The following GRM8 variants were observed in gnomAD, a reference collection of about 807,000 sequenced individuals.
GRM8 encodes glutamate metabotropic receptor 8, also known as metabotropic glutamate receptor 8.
GRM8 carries 47 observed loss-of-function variants against 87.2 expected under a neutral mutation model. The observed-to-expected ratio is 0.54, with a 90% confidence interval of 0.43 to 0.69. The LOEUF (loss-of-function observed/expected upper bound fraction) is 0.69. Among genes scored for constraint, GRM8 ranks in the 30% least tolerant of loss-of-function variants. The pLI is 0.00. For missense variants in GRM8, 1,019 were observed against 1,139.2 expected (o/e 0.89, Z 1.52); for synonymous variants, 396 against 404.5 (o/e 0.98, Z 0.25).
intron 7 of GRM8, among the ~76,000 whole-genome samples, chr7:126,710,884 C>T (rs557487866): frequency 2.4e-4 from 36 of 152,134 alleles, no homozygotes; most frequent in Non-Finnish European, 4.6e-4. Context: ...TTATAAAATA[C>T]ATTTCTTGGC....
chr7:126,470,008 T>A (rs1411966610), intron 9 of GRM8, among the ~76,000 whole-genome samples: 2 of 152,120 alleles, frequency 1.3e-5, no homozygotes, highest in Non-Finnish European at 2.9e-5. Flanking sequence ...ATATCAACAA[T>A]GAATCCAGGC....
chr7:127,066,480 C>T (rs1821124208), intron 3 of GRM8, among the ~76,000 whole-genome samples: 1 of 152,086 alleles, frequency 6.6e-6, no homozygotes, highest in Non-Finnish European at 1.5e-5. Flanking sequence ...TCATTTGATA[C>T]TCAAATCAAA....
intron 3 of GRM8, among the ~76,000 whole-genome samples, chr7:127,032,304 G>A (rs1308958906): frequency 6.6e-6 from 1 of 152,092 alleles, no homozygotes; most frequent in Non-Finnish European, 1.5e-5. Flanking sequence ...AGCGTTTCCT[G>A]TAACTGTGCA....
At chr7:126,714,795 G>A (rs1158237574) in intron 7 of GRM8, among the ~76,000 whole-genome samples, 3 of 151,624 alleles carry the variant, frequency 2.0e-5, no homozygotes, top group African/African-American at 7.3e-5. Flanking sequence ...ATATACAATC[G>A]ATTAACACAT....
chr7:126,989,829 G>A (rs1421100184), intron 3 of GRM8, among the ~76,000 whole-genome samples: 1 of 152,060 alleles, frequency 6.6e-6, no homozygotes, highest in Non-Finnish European at 1.5e-5. Flanking sequence ...AGGCATGGTG[G>A]TGCGTGCCTG....
At chr7:127,182,632 GGTGTGTGT>G (rs35530710) in intron 2 of GRM8, among the ~76,000 whole-genome samples, 2,067 of 141,790 alleles carry the variant, frequency 0.015, 30 homozygotes, top group African/African-American at 0.032. Flanking sequence ...AAGAAAGTGT[GGTGTGTGT>G]GTGTGTGTGT....
At chr7:127,110,690 C>G (rs1425123847) in intron 2 of GRM8, among the ~76,000 whole-genome samples, 1 of 152,128 alleles carries the variant, frequency 6.6e-6, no homozygotes, top group African/African-American at 2.4e-5. Context: ...TCTTCTCTCA[C>G]TATATTCTCA....
chr7:126,966,778 C>A (rs1223317006), intron 3 of GRM8, among the ~76,000 whole-genome samples: 3 of 152,020 alleles, frequency 2.0e-5, no homozygotes, highest in Non-Finnish European at 2.9e-5. Context: ...TCAACTCGCT[C>A]CTAGATGTTC....
intron 3 of GRM8, among the ~76,000 whole-genome samples, chr7:126,996,473 AAC>A (rs1813185173): frequency 1.3e-5 from 2 of 152,066 alleles, no homozygotes; most frequent in African/African-American, 4.8e-5. Flanking sequence ...AATGTAAATG[AAC>A]TAAACTCTGT....
chr7:127,042,286 A>T (rs1243486346), intron 3 of GRM8, among the ~76,000 whole-genome samples: 1 of 152,202 alleles, frequency 6.6e-6, no homozygotes. Context: ...ACAGGTTGGC[A>T]TTTGAACTGG....
intron 3 of GRM8, among the ~76,000 whole-genome samples, chr7:126,966,852 G>T (rs1041545824): frequency 1.3e-5 from 2 of 152,168 alleles, no homozygotes; most frequent in Non-Finnish European, 1.5e-5. Flanking sequence ...GACCTGAATT[G>T]TGATTCTGGT....
chr7:126,861,574 A>AT (rs973836415), intron 6 of GRM8, among the ~76,000 whole-genome samples: 15 of 149,250 alleles, frequency 1.0e-4, no homozygotes, highest in Non-Finnish European at 9.0e-5. Flanking sequence ...AGATATTTTC[A>AT]TTTTTTTTTC....
intron 8 of GRM8, among the ~76,000 whole-genome samples, chr7:126,608,336 G>T (rs1198287264): frequency 3.3e-5 from 5 of 152,102 alleles, no homozygotes; most frequent in Non-Finnish European, 7.3e-5. Context: ...ACCTGATGAA[G>T]TTCCTCCTCC....
At chr7:126,880,311 T>G (rs1054390812) in intron 6 of GRM8, among the ~76,000 whole-genome samples, 5 of 152,248 alleles carry the variant, frequency 3.3e-5, no homozygotes, top group African/African-American at 1.2e-4. Flanking sequence ...TAGGATTACT[T>G]GTCCCAAGTT....
At chr7:126,873,939 A>C (rs1799317021) in intron 6 of GRM8, among the ~76,000 whole-genome samples, 1 of 152,096 alleles carries the variant, frequency 6.6e-6, no homozygotes, top group African/African-American at 2.4e-5. Flanking sequence ...AATATTTTAG[A>C]ATTAGTAAGT....
chr7:126,980,181 A>T (rs1811380647), intron 3 of GRM8, among the ~76,000 whole-genome samples: 1 of 152,202 alleles, frequency 6.6e-6, no homozygotes, highest in South Asian at 2.1e-4. Context: ...TCATTTATTC[A>T]TTCAACAAAT....
At chr7:126,521,382 T>C (rs1401244571) in intron 9 of GRM8, among the ~76,000 whole-genome samples, 1 of 152,096 alleles carries the variant, frequency 6.6e-6, no homozygotes, top group Non-Finnish European at 1.5e-5. Flanking sequence ...ATTTTTGAAC[T>C]ATTTTTTTTT....
intron 6 of GRM8, among the ~76,000 whole-genome samples, chr7:126,802,192 C>T (rs1393065794): frequency 6.6e-6 from 1 of 152,148 alleles, no homozygotes; most frequent in African/African-American, 2.4e-5. Flanking sequence ...GGTTAGAACA[C>T]TTAAAATATG....
At chr7:126,860,774 T>A (rs1392283173) in intron 6 of GRM8, among the ~76,000 whole-genome samples, 3 of 152,166 alleles carry the variant, frequency 2.0e-5, no homozygotes, top group African/African-American at 7.2e-5. Flanking sequence ...GCTTTTAAAT[T>A]GTGACTATTG....
Sources: allele counts gnomAD v4.1 joint callset (sites outside exome capture counted in the v4.1 genomes callset), GRCh38; gene constraint gnomAD v4.1.1; transcripts MANE v1.5; gene names NCBI Gene and HGNC (gene_info 2026-07-23, HGNC 2026-07-21).